TDRD9: variants seen among roughly 807,000 people sequenced by gnomAD.
TDRD9 encodes tudor domain containing 9.
In TDRD9, 124 loss-of-function variants were observed where a neutral mutation model predicts 172.6. That is an observed-to-expected ratio of 0.72 (90% CI 0.62 to 0.83). The LOEUF is 0.83. Ranked by LOEUF, TDRD9 falls within the 40% of genes least tolerant of loss-of-function variation. TDRD9 has a pLI of 0.00. For synonymous variants in TDRD9, 619 were observed against 617.1 expected, an observed-to-expected ratio of 1.00 and a Z score of -0.05; for missense variants, 1,479 against 1,714.1, an observed-to-expected ratio of 0.86 and a Z score of 2.42.
At chr14:103,947,314 GTTTTT>G (rs1013160136) in intron 1 of TDRD9, among the ~76,000 whole-genome samples, 1 of 151,050 alleles carries the variant, frequency 6.6e-6, no homozygotes, top group African/African-American at 2.4e-5. Context: ...TGTTTGTTTT[GTTTTT>G]TTTGTTTTTT....
intron 2 of TDRD9, among the ~76,000 whole-genome samples, chr14:103,957,220 G>T (rs2032290989): frequency 6.6e-6 from 1 of 152,112 alleles, no homozygotes; most frequent in Non-Finnish European, 1.5e-5. Context: ...CTCTGTTCTG[G>T]TTAATTTCTG....
chr14:104,022,064 A>G (rs893235821), intron 23 of TDRD9, 93 bp from the exon 24 acceptor site: 25 of 928,076 alleles, frequency 2.7e-5, no homozygotes, highest in Non-Finnish European at 3.9e-5. Context: ...TTGAGGAGAG[A>G]TGTGACAGAA....
At chr14:103,955,852 G>T in intron 2 of TDRD9, 82 bp downstream of exon 2, 1 of 1,179,686 alleles carries the variant, frequency 8.5e-7, no homozygotes, top group Non-Finnish European at 1.2e-6. Flanking sequence ...GTGCATGCCT[G>T]TAATTCCAGC....
intron 6 of TDRD9, among the ~76,000 whole-genome samples, chr14:103,971,621 A>G (rs1339802987): frequency 1.3e-5 from 2 of 152,130 alleles, no homozygotes; most frequent in East Asian, 1.9e-4. Flanking sequence ...CTGTATTTTA[A>G]CAGAAACATT....
chr14:103,947,245 T>C (rs1306908707), intron 1 of TDRD9, among the ~76,000 whole-genome samples: 1 of 152,086 alleles, frequency 6.6e-6, no homozygotes, highest in Non-Finnish European at 1.5e-5. Context: ...TCAATAATTT[T>C]CAGTAAGGGT....
intron 23 of TDRD9, among the ~76,000 whole-genome samples, chr14:104,018,751 G>A (rs1361658130): frequency 6.6e-6 from 1 of 152,116 alleles, no homozygotes; most frequent in African/African-American, 2.4e-5. Context: ...CCTAAAGTAG[G>A]ATTTTTAATT....
chr14:103,952,534 C>T (rs2031984464), intron 1 of TDRD9, among the ~76,000 whole-genome samples: 1 of 151,050 alleles, frequency 6.6e-6, no homozygotes, highest in Admixed American at 6.6e-5. Context: ...AGCCACTGTG[C>T]TCGGCCTTAT....
intron 2 of TDRD9, among the ~76,000 whole-genome samples, chr14:103,958,645 A>C (rs2032358647): frequency 6.6e-6 from 1 of 152,188 alleles, no homozygotes; most frequent in Non-Finnish European, 1.5e-5. Context: ...GAGTGATACA[A>C]GGAAGAGGCC....
In TDRD9 at chr14:103,980,474, AG is replaced by A. The variant is rs2033429277; in HGVS notation, c.1011+4922del. On this transcript the variant is annotated intron_variant, in intron 7 of 35. Coordinates refer to ENST00000409874, the MANE Select transcript of TDRD9 (RefSeq NM_153046.3). This position sits in a 1 kb window ranked among gnomAD's most constrained non-coding sequence, Gnocchi z 4.5. Reference sequence around the variant, plus strand: ...TTATTTCTGCTTATCAGAGACTTTTAGTACTTTCACTAACTTGCCACTGCTA... The same window carrying A: ...TTATTTCTGCTTATCAGAGACTTTTATACTTTCACTAACTTGCCACTGCTA... 6.6e-6 allele frequency among the ~76,000 whole-genome samples: 1 copy of A among 152,174 alleles called. No homozygotes were observed. The highest frequency in any genetic ancestry group is 6.5e-5 in the Admixed American group (1 of 15,282).
chr14:103,928,945 T>TC (rs2030172364), intron 1 of TDRD9: 1 of 212,854 alleles, frequency 4.7e-6, no homozygotes, highest in East Asian at 9.1e-5. Context: ...TTTTTTTTTT[T>TC]CAGTTCTTAA....
intron 5 of TDRD9, among the ~76,000 whole-genome samples, 182 bp downstream of exon 5, chr14:103,967,013 A>C (rs1211106014): frequency 2.0e-5 from 3 of 152,060 alleles, no homozygotes; most frequent in African/African-American, 7.2e-5. Flanking sequence ...TTTAAACATG[A>C]GTTTTTTGGT....
chr14:104,023,759 C>A (rs2035034302), intron 24 of TDRD9, among the ~76,000 whole-genome samples: 1 of 152,234 alleles, frequency 6.6e-6, no homozygotes, highest in Non-Finnish European at 1.5e-5. Context: ...GAAGGCAAAT[C>A]TGTTCCATCT....
At chr14:104,034,305 C>CT (rs1365218922) in intron 31 of TDRD9, among the ~76,000 whole-genome samples, 1 of 151,384 alleles carries the variant, frequency 6.6e-6, no homozygotes, top group African/African-American at 2.4e-5. Flanking sequence ...ATTCTCCTGC[C>CT]TCAGCCTCCC....
rs897518330 is a variant in TDRD9 at position 103,928,553 on chromosome 14, C to T, written c.44C>T (p.Thr15Ile). Reference sequence around the variant, plus strand: ...ATCGAGCAGATCAACGACTGGTTCACCATCGGCAAGACGGTGACCAATGTG... The same window carrying T: ...ATCGAGCAGATCAACGACTGGTTCATCATCGGCAAGACGGTGACCAATGTG... Reference protein sequence around the residue: ...LTIEQINDWFTIGKTVTNVEL... With the variant: ...LTIEQINDWFIIGKTVTNVEL... Residue 15 changes from threonine to isoleucine, a missense_variant, in exon 1 of 36, where the codon ACC (threonine) becomes ATC (isoleucine). This residue lies in a region of TDRD9 where 63 missense variants were observed against 48.4 expected (regional missense o/e 1.30). Transcript: ENST00000409874. 9 of 1,389,796 alleles carry T rather than the reference C, an allele frequency of 6.5e-6. No homozygotes were observed. The highest frequency in any genetic ancestry group is 4.6e-5 in the African/African-American group (3 of 65,466). The allele number at this position is 1,389,796 out of a possible 1,614,324, so 86.1% of individuals were successfully genotyped here.
chr14:103,987,123 T>TACAC (rs143714763), intron 8 of TDRD9, among the ~76,000 whole-genome samples: 1,972 of 145,746 alleles, frequency 0.014, 24 homozygotes, highest in East Asian at 0.031. Flanking sequence ...AAAAAATATA[T>TACAC]ACACACACAC....
chr14:103,984,851 G>A (rs1047126131), intron 7 of TDRD9, among the ~76,000 whole-genome samples: 4 of 152,172 alleles, frequency 2.6e-5, no homozygotes, highest in African/African-American at 9.7e-5. Flanking sequence ...TGGGAGGGAG[G>A]CTGTACTCTG....
intron 12 of TDRD9, 29 bp downstream of exon 12, chr14:103,995,836 C>A: frequency 1.3e-6 from 2 of 1,581,934 alleles, no homozygotes; most frequent in Non-Finnish European, 1.7e-6. Context: ...TACCTCCTGG[C>A]ATTAGCTGTA....
At chr14:104,045,319 T>A (rs2035738292) in intron 34 of TDRD9, among the ~76,000 whole-genome samples, 1 of 151,946 alleles carries the variant, frequency 6.6e-6, no homozygotes, top group East Asian at 1.9e-4. Flanking sequence ...CATTGTAGCA[T>A]TAATTTTCGT....
chr14:103,958,467 G>A (rs2032350565), intron 2 of TDRD9, among the ~76,000 whole-genome samples: 1 of 152,166 alleles, frequency 6.6e-6, no homozygotes, highest in Non-Finnish European at 1.5e-5. Context: ...TAATCCCCAG[G>A]ACCTGTGAAT....
Sources: allele counts gnomAD v4.1 joint callset (sites outside exome capture counted in the v4.1 genomes callset), GRCh38; gene constraint gnomAD v4.1.1; regional missense constraint gnomAD v4.1.1; non-coding constraint Gnocchi (gnomAD v3.1); transcripts MANE v1.5; gene names NCBI Gene and HGNC (gene_info 2026-07-23, HGNC 2026-07-21).